The following SBNO2 variants were observed in gnomAD, a reference collection of about 807,000 sequenced individuals.
The protein encoded by SBNO2 is strawberry notch homolog 2, also known as protein strawberry notch homolog 2.
SBNO2 carries 89 observed loss-of-function variants against 146.3 expected under a neutral mutation model. The observed-to-expected ratio is 0.61, with a 90% CI of 0.51 to 0.73. SBNO2 has a LOEUF of 0.73. Ranked by LOEUF, SBNO2 falls within the 30% of genes least tolerant of loss-of-function variation. The pLI is 0.00. For missense variants in SBNO2, 2,092 were observed against 2,003.7 expected (o/e 1.04, Z -0.84); for synonymous variants, 1,147 against 892.6 (o/e 1.29, Z -5.08).
In SBNO2 at chr19:1,109,255, G is replaced by C. The variant is rs1453953429; in HGVS notation, c.3348+37C>G. The C allele has an allele frequency of 1.1e-5, 18 of 1,577,250 alleles. No individual in the cohort carries two copies. The highest frequency in any genetic ancestry group is 1.5e-5 in the Non-Finnish European group (18 of 1,162,272). ...ATGAGCCTGGGCGGGGTCAGGGCCG[G>C]CAACCCGAGCGAAAGCTGCGCCCGG... On this transcript the variant is annotated intron_variant, in intron 29 of 31. Transcript: ENST00000361757. This position sits in a 1 kb window ranked among gnomAD's most constrained non-coding sequence, Gnocchi z 4.2.
rs372652484 is a variant in SBNO2, at chr19:1,108,987, C to T, written c.3426-18G>A. The T allele has an allele frequency of 4.9e-3, 7,350 of 1,501,896 alleles. 16 individuals are homozygous for T. Among genetic ancestry groups the T allele is most frequent in the Non-Finnish European group, 5.6e-3 (6,372 of 1,129,196 alleles). The allele number at this position is 1,501,896 out of a possible 1,614,324, so 93.0% of individuals were successfully genotyped here. On this transcript the variant is annotated intron_variant, in intron 30 of 31. Coordinates refer to ENST00000361757, the MANE Select transcript of SBNO2 (RefSeq NM_014963.3). ...GCCGGTTCCTGCGGACGAGACGGGT[C>T]GTCTCGGCTCAGGCGGGTCCCAGGG...
At chr19:1,146,836 C>A (rs978022958) in intron 4 of SBNO2, among the ~76,000 whole-genome samples, 4 of 150,646 alleles carry the variant, frequency 2.7e-5, no homozygotes, top group South Asian at 4.3e-4. Flanking sequence ...CCTGATGCCG[C>A]AGTGGGAGGC....
intron 4 of SBNO2, chr19:1,132,087 T>TA: frequency 1.3e-6 from 2 of 1,537,280 alleles, no homozygotes; most frequent in Non-Finnish European, 1.7e-6. Context: ...AAGGGAGTGT[T>TA]ACCTTGTTCA....
chr19:1,122,129 A>T lies in SBNO2; in HGVS notation c.1149+10T>A, dbSNP rs1396700004. ...CAGCCCTCCCCTCCCGATTGCCCCC[A>T]GCAGGATACGACGCCCTCGAAGGCC... is the stretch of plus-strand genomic sequence containing the variant. On this transcript the variant is annotated intron_variant, in intron 11 of 31. Transcript: ENST00000361757. 1 of 1,165,218 alleles carries T rather than the reference A, an allele frequency of 8.6e-7. No homozygotes were observed. Among genetic ancestry groups the T allele is most frequent in the East Asian group, 4.8e-5 (1 of 21,008 alleles). 72.2% of individuals were successfully genotyped at this position (1,165,218 alleles called of 1,614,324 possible). A position where few individuals can be genotyped will look rare whatever the true frequency, so the allele number is the denominator to read the frequency against.
rs1476410871 is a variant in SBNO2 at position 1,108,069 on chromosome 19, G to C, written c.*151C>G. The C allele has an allele frequency of 7.8e-6, 7 of 892,980 alleles. No homozygotes were observed. The highest frequency in any genetic ancestry group is 2.2e-5 in the South Asian group (1 of 46,046). The allele number at this position is 892,980 out of a possible 1,614,324, so 55.3% of individuals were successfully genotyped here. On this transcript the variant is annotated 3_prime_UTR_variant, in exon 32 of 32. Transcript: ENST00000361757. The stretch of plus-strand genomic sequence containing the variant: ...AGTGGGCCCCGCCAGGGCTGACCAG[G>C]TGGGGGCCCGGGTCGGGCGCTGAAG...
chr19:1,127,333 C>T (rs1042762791), intron 5 of SBNO2, among the ~76,000 whole-genome samples: 1 of 152,206 alleles, frequency 6.6e-6, no homozygotes, highest in South Asian at 2.1e-4. Flanking sequence ...GGGCGCTGGG[C>T]AGCATCCTGG....
At position 1,110,605 on chromosome 19, in the gene SBNO2, T is replaced by C. The variant is rs1172389486; in HGVS notation, c.3028+140A>G. 1 of 968,922 alleles carries C rather than the reference T, an allele frequency of 1.0e-6. No homozygotes were observed. The highest frequency in any genetic ancestry group is 1.4e-6 in the Non-Finnish European group (1 of 703,588). 60.0% of individuals were successfully genotyped at this position (968,922 alleles called of 1,614,324 possible). On this transcript the variant is annotated intron_variant, in intron 26 of 31. Transcript: ENST00000361757. This position sits in a 1 kb window ranked among gnomAD's most constrained non-coding sequence, Gnocchi z 4.9. ...CCACGAGCCCCTCGCCCACCCGGGA[T>C]GCACGGTGTTCCCACGAGCCCCTCG... is the stretch of plus-strand genomic sequence containing the variant.
At chr19:1,141,782 C>A (rs913072058) in intron 4 of SBNO2, among the ~76,000 whole-genome samples, 1 of 151,976 alleles carries the variant, frequency 6.6e-6, no homozygotes, top group Middle Eastern at 3.2e-3. Context: ...CCACCATGCC[C>A]GACTAATTTT....
intron 24 of SBNO2, 39 bp downstream of exon 24, chr19:1,111,467 C>A: frequency 7.0e-7 from 1 of 1,422,970 alleles, no homozygotes; most frequent in Middle Eastern, 1.8e-4. Context: ...CTCTGCAACC[C>A]CTGCCCCTCC....
chr19:1,114,361 G>T lies in SBNO2; in HGVS notation c.1947C>A (p.Ile649=). The T allele has an allele frequency of 6.4e-7, 1 of 1,556,622 alleles. No individual in the cohort carries two copies. Among genetic ancestry groups the T allele is most frequent in the East Asian group, 2.4e-5 (1 of 41,372 alleles). ...PRLACETAGV[I]RISDDSSTES... ...CCGTGCTGCTGTCGTCACTGATGCG[G>T]ATGACGCCCGCTGTCTCGCACGCCA... is the stretch of plus-strand genomic sequence containing the variant. The change falls in exon 18 of 32, where the codon ATC becomes ATA. Residue 649 remains isoleucine, a synonymous_variant. Transcript: ENST00000361757.
In SBNO2 at chr19:1,108,940, C is replaced by G; in HGVS notation, c.3455G>C (p.Gly1152Ala). The change falls in exon 31 of 32, where the codon GGT becomes GCT. Residue 1152 changes from glycine to alanine, a missense_variant. Transcript: ENST00000361757. ...CCGCAGCCCCTGCAGGCAGTCCTTA[C>G]CCTCCTGCGCCAGCCGGCAGTGCCG... ...WNRHCRLAQEGKDCLQGLRLR... is the reference protein window; with the variant it reads ...WNRHCRLAQEAKDCLQGLRLR... The G allele has an allele frequency of 3.2e-6, 5 of 1,557,042 alleles. No homozygotes were observed. Among genetic ancestry groups the G allele is most frequent in the Non-Finnish European group, 4.3e-6 (5 of 1,158,390 alleles).
intron 2 of SBNO2, among the ~76,000 whole-genome samples, chr19:1,152,466 C>T (rs771927738): frequency 2.2e-4 from 34 of 152,112 alleles, no homozygotes; most frequent in Non-Finnish European, 3.1e-4. Context: ...GGAGCTGTTC[C>T]GGTGGGGATG....
At chr19:1,120,838 T>C (rs1024478732) in intron 11 of SBNO2, among the ~76,000 whole-genome samples, 1 of 151,732 alleles carries the variant, frequency 6.6e-6, no homozygotes, top group African/African-American at 2.4e-5. Context: ...CCGGGTAATT[T>C]TTGTATTTTC....
At chr19:1,174,133 G>C (rs1274425959) in intron 1 of SBNO2, 39 bp downstream of exon 1, 2 of 151,426 alleles carry the variant, frequency 1.3e-5, no homozygotes, top group Non-Finnish European at 3.0e-5. Context: ...GGCAGGGGTC[G>C]CGGTGGAGCC....
rs890258160 is a variant in SBNO2 at position 1,144,610 on chromosome 19, G to A, written c.279+2699C>T. On this transcript the variant is annotated intron_variant, in intron 4 of 31. Coordinates refer to ENST00000361757, the MANE Select transcript of SBNO2 (RefSeq NM_014963.3). The surrounding 1 kb of genome is among the most constrained non-coding windows in gnomAD (Gnocchi z 4.1). ...GAGACATAGAGACATAGAGACAGAG[G>A]CAGAGAGGGAAACAGACGAAGACAG... is the stretch of plus-strand genomic sequence containing the variant. Among the ~76,000 whole-genome samples the A allele has an allele frequency of 2.0e-5, 3 of 150,686 alleles. No individual in the cohort carries two copies. Among genetic ancestry groups the A allele is most frequent in the African/African-American group, 7.3e-5 (3 of 40,884 alleles).
chr19:1,118,992 G>A lies in SBNO2; in HGVS notation c.1527+19C>T, dbSNP rs764490582. Reference sequence around the variant, plus strand: ...CCGGGAAACGCACAGGGGTCCCCGGGTCGGGTGCGCAGGCTCACCAGCAGG... The same window carrying A: ...CCGGGAAACGCACAGGGGTCCCCGGATCGGGTGCGCAGGCTCACCAGCAGG... On this transcript the variant is annotated intron_variant, in intron 14 of 31. Coordinates refer to ENST00000361757, the MANE Select transcript of SBNO2 (RefSeq NM_014963.3). 2 of 1,569,098 alleles carry A rather than the reference G, an allele frequency of 1.3e-6. No homozygotes were observed. Among genetic ancestry groups the A allele is most frequent in the South Asian group, 2.3e-5 (2 of 88,166 alleles).
Position 1,112,314 on chromosome 19 carries a change from C to A in SBNO2, c.2516-13G>T, listed in dbSNP as rs1164815976. Reference sequence around the variant, plus strand: ...CGGTGGGTGCGGCCTGGGGGCAGAGCTGCTCTCAGGGCCCGGCCAGGCGGG... The same window carrying A: ...CGGTGGGTGCGGCCTGGGGGCAGAGATGCTCTCAGGGCCCGGCCAGGCGGG... On this transcript the variant is annotated splice_polypyrimidine_tract_variant and intron_variant, in intron 21 of 31. Transcript: ENST00000361757. The surrounding 1 kb of genome is among the most constrained non-coding windows in gnomAD (Gnocchi z 5.9). 2 of 1,577,812 alleles carry A rather than the reference C, an allele frequency of 1.3e-6. No individual in the cohort carries two copies. Among genetic ancestry groups the A allele is most frequent in the South Asian group, 1.1e-5 (1 of 87,016 alleles).
At chr19:1,147,818 CGAA>C (rs2080208220) in intron 3 of SBNO2, among the ~76,000 whole-genome samples, 2 of 152,204 alleles carry the variant, frequency 1.3e-5, no homozygotes, top group East Asian at 1.9e-4. Context: ...ACTCCCGCCT[CGAA>C]GGAGGAGAGC....
intron 1 of SBNO2, among the ~76,000 whole-genome samples, chr19:1,163,383 C>A (rs371093113): frequency 6.1e-4 from 93 of 152,354 alleles, no homozygotes; most frequent in African/African-American, 2.2e-3. Context: ...GGGTCCTCCC[C>A]TGGAGCTACT....
Sources: gnomAD v4.1 joint callset for allele counts (sites outside exome capture counted in the v4.1 genomes callset) on GRCh38, gnomAD v4.1.1 for gene constraint, Gnocchi (gnomAD v3.1) non-coding constraint, MANE v1.5 for transcripts, NCBI Gene and HGNC (gene_info 2026-07-23, HGNC 2026-07-21) for gene names.